The following WDR70 variants were observed in gnomAD, a reference collection of about 807,000 sequenced individuals.
WDR70 encodes the protein WD repeat-containing protein 70.
WDR70 carries 53 observed loss-of-function variants against 88.6 expected under a neutral mutation model. The ratio of observed to expected loss-of-function variants is 0.60; its 90% CI spans 0.48 to 0.75. WDR70 has a LOEUF of 0.75. WDR70 is among the 30% of genes least tolerant of loss of function. WDR70 has a pLI of 0.00. For missense variants in WDR70, 610 were observed against 823.2 expected (o/e 0.74, Z 3.17); for synonymous variants, 280 against 270.0 (o/e 1.04, Z -0.36).
intron 5 of WDR70, among the ~76,000 whole-genome samples, chr5:37,422,782 TC>T (rs1749985085): frequency 6.6e-6 from 1 of 151,866 alleles, no homozygotes; most frequent in East Asian, 1.9e-4. Context: ...CACCCAGCCC[TC>T]AGCTAAATTT....
At chr5:37,478,399 A>T (rs976442965) in intron 7 of WDR70, among the ~76,000 whole-genome samples, 3 of 152,212 alleles carry the variant, frequency 2.0e-5, no homozygotes, top group African/African-American at 4.8e-5. Flanking sequence ...TTTGTGGTTG[A>T]TACAGCATCA....
At chr5:37,454,338 G>T (rs1738768100) in intron 7 of WDR70, among the ~76,000 whole-genome samples, 1 of 152,048 alleles carries the variant, frequency 6.6e-6, no homozygotes, top group Non-Finnish European at 1.5e-5. Context: ...ATAAAAATAT[G>T]TATTCTGAAG....
At chr5:37,654,318 A>G (rs1458305756) in intron 10 of WDR70, among the ~76,000 whole-genome samples, 1 of 152,184 alleles carries the variant, frequency 6.6e-6, no homozygotes, top group Non-Finnish European at 1.5e-5. Context: ...ACTGTTTGTC[A>G]TGATTTCTGT....
chr5:37,697,594 C>A, intron 10 of WDR70, 61 bp from the exon 11 acceptor site: 1 of 1,382,522 alleles, frequency 7.2e-7, no homozygotes, highest in Non-Finnish European at 1.0e-6. Context: ...GTTCTTGCCA[C>A]AAAACTGTTC....
At position 37,721,121 on chromosome 5, in the gene WDR70, G is replaced by T. The variant is rs1385788909; in HGVS notation, c.1423G>T (p.Val475Phe). Residue 475 changes from valine to phenylalanine, a missense_variant, in exon 14 of 18, where the codon GTT becomes TTT. Transcript: ENST00000265107. ...CTGCGCTTTTCCTTTGCAGAGTGTTGTTCGCTGCCTGTGGCATCCAAAGCT... is the reference window on the plus strand; with the variant it reads ...CTGCGCTTTTCCTTTGCAGAGTGTTTTTCGCTGCCTGTGGCATCCAAAGCT... ...YEIDITDASV[V>F]RCLWHPKLNQ... is the part of the protein sequence containing the mutation. The T allele has an allele frequency of 6.2e-7, 1 of 1,613,532 alleles. No homozygotes were observed. The highest frequency in any genetic ancestry group is 1.3e-5 in the African/African-American group (1 of 74,876).
At chr5:37,552,288 C>T (rs899606430) in intron 9 of WDR70, among the ~76,000 whole-genome samples, 1 of 152,146 alleles carries the variant, frequency 6.6e-6, no homozygotes, top group Non-Finnish European at 1.5e-5. Context: ...ATTACTATCG[C>T]GCAAAGCTTG....
intron 10 of WDR70, among the ~76,000 whole-genome samples, chr5:37,696,546 T>C (rs1746987542): frequency 6.6e-6 from 1 of 152,210 alleles, no homozygotes; most frequent in African/African-American, 2.4e-5. Flanking sequence ...GGGACTCACA[T>C]GCTGTCATTA....
chr5:37,483,092 G>A (rs1739723394), intron 8 of WDR70, among the ~76,000 whole-genome samples: 1 of 146,368 alleles, frequency 6.8e-6, no homozygotes, highest in Non-Finnish European at 1.5e-5. Flanking sequence ...AGGAAAGAAA[G>A]TGGTCTCAGT....
chr5:37,660,485 T>G (rs1745672246), intron 10 of WDR70, among the ~76,000 whole-genome samples: 1 of 152,036 alleles, frequency 6.6e-6, no homozygotes, highest in Non-Finnish European at 1.5e-5. Context: ...GTCTCTCTTA[T>G]TGGGTACATA....
Position 37,445,216 on chromosome 5 carries a change from T to A in WDR70, c.686+1844T>A, listed in dbSNP as rs1283041281. Among the ~76,000 whole-genome samples, 7 of 152,146 alleles carry A rather than the reference T, an allele frequency of 4.6e-5. No homozygotes were observed. The East Asian group carries it at 1.3e-3, about 29-fold the overall frequency. ...CTAGAAATTAAGGTAAATCCCTGGA[T>A]TAAGGTAGTGACATCTGATTCCTTC... is the stretch of plus-strand genomic sequence containing the variant. On this transcript the variant is annotated intron_variant, in intron 7 of 17. Coordinates refer to ENST00000265107, the MANE Select transcript of WDR70 (RefSeq NM_018034.4).
intron 9 of WDR70, among the ~76,000 whole-genome samples, chr5:37,577,721 T>TC (rs946751002): frequency 2.0e-5 from 3 of 152,042 alleles, no homozygotes; most frequent in Non-Finnish European, 4.4e-5. Flanking sequence ...ATGCTGACTC[T>TC]CCCCAAGTGA....
At chr5:37,705,362 A>C (rs1747292020) in intron 13 of WDR70, among the ~76,000 whole-genome samples, 1 of 152,196 alleles carries the variant, frequency 6.6e-6, no homozygotes, top group Admixed American at 6.5e-5. Flanking sequence ...TTAAATAAAT[A>C]GAACATACAA....
chr5:37,715,163 A>T (rs1747619640), intron 13 of WDR70, among the ~76,000 whole-genome samples: 1 of 152,164 alleles, frequency 6.6e-6, no homozygotes, highest in Non-Finnish European at 1.5e-5. Flanking sequence ...ATGCATCTGT[A>T]TCAAATGTGT....
intron 9 of WDR70, among the ~76,000 whole-genome samples, chr5:37,555,487 G>A (rs1742269986): frequency 1.3e-5 from 2 of 151,964 alleles, no homozygotes; most frequent in Non-Finnish European, 2.9e-5. Flanking sequence ...CAGAAATCTT[G>A]GGCAGTTTAG....
At chr5:37,517,712 T>C (rs917091044) in intron 9 of WDR70, among the ~76,000 whole-genome samples, 2 of 120,926 alleles carry the variant, frequency 1.7e-5, no homozygotes, top group African/African-American at 5.7e-5. Context: ...AGTAGGTATA[T>C]ATATTTATGG....
At chr5:37,711,146 T>C (rs1747500760) in intron 13 of WDR70, among the ~76,000 whole-genome samples, 2 of 152,140 alleles carry the variant, frequency 1.3e-5, no homozygotes. Flanking sequence ...GACATTCATA[T>C]GGTAGGAAAT....
intron 8 of WDR70, among the ~76,000 whole-genome samples, chr5:37,507,599 C>T (rs2366415): frequency 0.9 from 137,223 of 152,168 alleles, 63,494 homozygotes; most frequent in East Asian, 1. Context: ...TGGAATTATA[C>T]TGAGTCTGAA....
Position 37,745,332 on chromosome 5 carries a change from A to G in WDR70, c.1878-7154A>G, listed in dbSNP as rs1265918470. ...AGCCACTGCAAAAACACACCAAAAT[A>G]TAAAAACCACTGACACTACGAAGAA... On this transcript the variant is annotated intron_variant, in intron 17 of 17. Transcript: ENST00000265107. 4.0e-5 allele frequency among the ~76,000 whole-genome samples: 6 copies of G among 151,586 alleles called. No individual in the cohort carries two copies. In the East Asian group the frequency reaches 7.7e-4, roughly 20 times the overall value.
At chr5:37,631,126 A>G (rs1392541621) in intron 10 of WDR70, among the ~76,000 whole-genome samples, 1 of 152,146 alleles carries the variant, frequency 6.6e-6, no homozygotes, top group Non-Finnish European at 1.5e-5. Context: ...CCCTCCTGTC[A>G]TTACAGATGC....
Sources: gnomAD v4.1 joint callset for allele counts (sites outside exome capture counted in the v4.1 genomes callset) on GRCh38, gnomAD v4.1.1 for gene constraint, MANE v1.5 for transcripts, NCBI Gene and HGNC (gene_info 2026-07-23, HGNC 2026-07-21) for gene names.